Variants in DYNC1LI1 observed in about 807,000 individuals in gnomAD.
The protein encoded by DYNC1LI1 is cytoplasmic dynein 1 light intermediate chain 1.
A neutral mutation model predicts 63.8 loss-of-function variants in DYNC1LI1; 19 were observed. The observed-to-expected ratio is 0.30, with a 90% CI of 0.21 to 0.44. The LOEUF is 0.44. Ranked by LOEUF, DYNC1LI1 falls within the 20% of genes least tolerant of loss-of-function variation. The pLI, the probability that DYNC1LI1 is intolerant of heterozygous loss-of-function variation, is 1.00. For synonymous variants in DYNC1LI1, 225 were observed against 232.3 expected (o/e 0.97, Z 0.28); for missense variants, 565 against 630.2 (o/e 0.90, Z 1.11).
chr3:32,547,249 A>C (rs1277041147), intron 2 of DYNC1LI1, among the ~76,000 whole-genome samples: 1 of 152,118 alleles, frequency 6.6e-6, no homozygotes, highest in Admixed American at 6.5e-5. Context: ...TCTCAAAACA[A>C]AACAAAACAA....
At chr3:32,535,656 A>C (rs540217523) in intron 6 of DYNC1LI1, among the ~76,000 whole-genome samples, 30 of 152,374 alleles carry the variant, frequency 2.0e-4, no homozygotes, top group African/African-American at 7.0e-4. Flanking sequence ...AATGAAAACC[A>C]AATTATGATA....
In DYNC1LI1 at chr3:32,570,362, C is replaced by T; in HGVS notation, c.204G>A (p.Lys68=). 1 of 1,598,122 alleles carries T rather than the reference C, an allele frequency of 6.3e-7. No individual in the cohort carries two copies. The highest frequency in any genetic ancestry group is 1.3e-5 in the African/African-American group (1 of 74,658). ...TRSRSKLPAG[K]NVLLLGEDGA... is the part of the protein sequence containing the mutation. Reference sequence around the variant, plus strand: ...AACACTTACCCAGCAGTAGCACGTTCTTCCCCGCAGGGAGCTTGGAGCGCG... The same window carrying T: ...AACACTTACCCAGCAGTAGCACGTTTTTCCCCGCAGGGAGCTTGGAGCGCG... Residue 68 remains lysine (K), a synonymous_variant, in exon 2 of 13, where the codon AAG becomes AAA. Coordinates refer to ENST00000273130, the MANE Select transcript of DYNC1LI1 (RefSeq NM_016141.4).
In DYNC1LI1 at chr3:32,526,167, T is replaced by C. The variant is rs1271507269; in HGVS notation, c.*632A>G. The C allele has an allele frequency of 6.6e-6, 1 of 152,584 alleles. No homozygotes were observed. Among genetic ancestry groups the C allele is most frequent in the Admixed American group, 6.5e-5 (1 of 15,274 alleles). 9.5% of individuals were successfully genotyped at this position (152,584 alleles called of 1,614,324 possible). A position where few individuals can be genotyped will look rare whatever the true frequency, so the allele number is the denominator to read the frequency against. ...TACACATTTAGGCAGTGTGCTTTCT[T>C]TTCTCCTCAGTTAAAGCAACACCTT... is the stretch of plus-strand genomic sequence containing the variant. On this transcript the variant is annotated 3_prime_UTR_variant, in exon 13 of 13. Transcript: ENST00000273130.
At chr3:32,546,091 T>C (rs1379746905) in intron 2 of DYNC1LI1, 126 bp from the exon 3 acceptor site, 2 of 630,168 alleles carry the variant, frequency 3.2e-6, no homozygotes, top group East Asian at 2.8e-5. Flanking sequence ...TGATGAAATA[T>C]AATGGAGCAG....
chr3:32,556,075 C>A (rs2076124887), intron 2 of DYNC1LI1, among the ~76,000 whole-genome samples: 1 of 152,226 alleles, frequency 6.6e-6, no homozygotes, highest in South Asian at 2.1e-4. Context: ...CCCCCACCAA[C>A]ATACTAGGCT....
chr3:32,555,358 G>T (rs1698098820), intron 2 of DYNC1LI1, among the ~76,000 whole-genome samples: 1 of 152,126 alleles, frequency 6.6e-6, no homozygotes, highest in Non-Finnish European at 1.5e-5. Flanking sequence ...TCTGAAAACA[G>T]ATCTGTTTCA....
At chr3:32,555,241 G>A (rs78220561) in intron 2 of DYNC1LI1, among the ~76,000 whole-genome samples, 8,742 of 152,206 alleles carry the variant, frequency 0.057, 296 homozygotes, top group South Asian at 0.079. Flanking sequence ...TACATCTTAA[G>A]CTTCAATTCA....
At chr3:32,567,599 C>T (rs943116199) in intron 2 of DYNC1LI1, among the ~76,000 whole-genome samples, 1 of 151,748 alleles carries the variant, frequency 6.6e-6, no homozygotes, top group Non-Finnish European at 1.5e-5. Flanking sequence ...AGTGCAATGG[C>T]GTAATCTCAG....
In DYNC1LI1 at chr3:32,530,520, A is replaced by C; in HGVS notation, c.1081T>G (p.Phe361Val). The change falls in exon 9 of 13, where the codon TTT (phenylalanine) becomes GTT (valine). Residue 361 changes from phenylalanine (F) to valine (V), a missense_variant and splice_region_variant. By Grantham distance (50) the Phe-to-Val change is conservative (BLOSUM62 -1). Coordinates refer to ENST00000273130, the MANE Select transcript of DYNC1LI1 (RefSeq NM_016141.4). ...GCCATAATTTCCTTCTCATGTACAA[A>C]CTGAAATGAGCAATGCACAAATGAG... Reference protein sequence around the residue: ...DIITKPPVRKFVHEKEIMAED... With the variant: ...DIITKPPVRKVVHEKEIMAED... 6.2e-7 allele frequency: 1 copy of C among 1,612,348 alleles called. No individual in the cohort carries two copies. The highest frequency in any genetic ancestry group is 8.5e-7 in the Non-Finnish European group (1 of 1,179,236).
intron 2 of DYNC1LI1, among the ~76,000 whole-genome samples, chr3:32,551,571 GACAAGA>G (rs907605765): frequency 6.6e-6 from 1 of 152,168 alleles, no homozygotes; most frequent in Non-Finnish European, 1.5e-5. Flanking sequence ...AAGAATGACT[GACAAGA>G]GTAAGTTTAG....
rs2125427221 is a variant in DYNC1LI1, at chr3:32,526,569, T to G, written c.*230A>C. ...TTTTCAAAATCAAAAATTACTTTCTTATGCAAAATGGCAATGCAAACAGCA... is the reference window on the plus strand; with the variant it reads ...TTTTCAAAATCAAAAATTACTTTCTGATGCAAAATGGCAATGCAAACAGCA... On this transcript the variant is annotated 3_prime_UTR_variant, in exon 13 of 13. Transcript: ENST00000273130. The G allele has an allele frequency of 3.0e-6, 1 of 331,274 alleles. No individual in the cohort carries two copies. Among genetic ancestry groups the G allele is most frequent in the African/African-American group, 2.1e-5 (1 of 47,796 alleles). 20.5% of individuals were successfully genotyped at this position (331,274 alleles called of 1,614,324 possible). A position where few individuals can be genotyped will look rare whatever the true frequency, so the allele number is the denominator to read the frequency against.
intron 2 of DYNC1LI1, among the ~76,000 whole-genome samples, chr3:32,550,099 T>C (rs1698012744): frequency 6.6e-6 from 1 of 152,204 alleles, no homozygotes; most frequent in Admixed American, 6.5e-5. Context: ...TTTAAGTTAG[T>C]AGATTCAGAA....
At chr3:32,543,398 CTT>C (rs968681360) in intron 4 of DYNC1LI1, among the ~76,000 whole-genome samples, 17 of 127,460 alleles carry the variant, frequency 1.3e-4, no homozygotes, top group South Asian at 2.5e-4. Context: ...TATTTCCTTT[CTT>C]TTTTTTTTTT....
chr3:32,536,918 T>C lies in DYNC1LI1; in HGVS notation c.832+93A>G, dbSNP rs185358513. 50 of 663,690 alleles carry C rather than the reference T, an allele frequency of 7.5e-5. No homozygotes were observed. The East Asian group carries it at 1.5e-3, about 20-fold the overall frequency. The allele number at this position is 663,690 out of a possible 1,614,324, so 41.1% of individuals were successfully genotyped here. On this transcript the variant is annotated intron_variant, in intron 6 of 12. Coordinates refer to ENST00000273130, the MANE Select transcript of DYNC1LI1 (RefSeq NM_016141.4). ...GACAGAAGGAGAAATGTTTACAGAATTTCTCAAGTCCATCAATTTAATTCT... is the reference window on the plus strand; with the variant it reads ...GACAGAAGGAGAAATGTTTACAGAACTTCTCAAGTCCATCAATTTAATTCT...
At chr3:32,537,915 TTTATATATATA>T (rs1697799947) in intron 5 of DYNC1LI1, among the ~76,000 whole-genome samples, 1 of 65,346 alleles carries the variant, frequency 1.5e-5, no homozygotes, top group Non-Finnish European at 2.5e-5. Flanking sequence ...ATATATATAA[TTTATATATATA>T]ATATATATAT....
At chr3:32,529,114 T>C (rs992225938) in intron 11 of DYNC1LI1, among the ~76,000 whole-genome samples, 2 of 152,184 alleles carry the variant, frequency 1.3e-5, no homozygotes, top group African/African-American at 4.8e-5. Context: ...CACTCAATGT[T>C]GATGATAAGC....
At chr3:32,543,962 G>A (rs1450527429) in intron 4 of DYNC1LI1, among the ~76,000 whole-genome samples, 1 of 151,466 alleles carries the variant, frequency 6.6e-6, no homozygotes, top group East Asian at 2.0e-4. Context: ...AGGGGGCTGA[G>A]ATGGGAGGAT....
chr3:32,545,659 T>C (rs1346238733), intron 3 of DYNC1LI1, 190 bp downstream of exon 3: 5 of 589,496 alleles, frequency 8.5e-6, no homozygotes, highest in Non-Finnish European at 1.2e-5. Flanking sequence ...CTTAAGATGC[T>C]TAAAAGTATC....
rs554056442 is a variant in DYNC1LI1, at chr3:32,537,502, C to T, written c.739-398G>A. On this transcript the variant is annotated intron_variant, in intron 5 of 12. Coordinates refer to ENST00000273130, the MANE Select transcript of DYNC1LI1 (RefSeq NM_016141.4). The stretch of plus-strand genomic sequence containing the variant: ...GTTTTATAAAACACTTCTGCATATC[C>T]AGGGAGTCTCTACTTCTCACCATTT... 4.6e-5 allele frequency among the ~76,000 whole-genome samples: 7 copies of T among 152,044 alleles called. No homozygotes were observed. In the East Asian group the frequency reaches 1.4e-3, roughly 29 times the overall value.
Sources: allele counts gnomAD v4.1 joint callset (sites outside exome capture counted in the v4.1 genomes callset), GRCh38; gene constraint gnomAD v4.1.1; transcripts MANE v1.5; gene names NCBI Gene and HGNC (gene_info 2026-07-23, HGNC 2026-07-21).